The following MDGA2 variants were observed in gnomAD, a reference collection of about 807,000 sequenced individuals.
MDGA2 encodes the protein MAM domain-containing glycosylphosphatidylinositol anchor protein 2.
A neutral mutation model predicts 117.8 loss-of-function variants in MDGA2; 40 were observed. That is an observed-to-expected ratio of 0.34 (90% CI 0.26 to 0.44). The LOEUF (loss-of-function observed/expected upper bound fraction) is 0.44. Ranked by LOEUF, MDGA2 falls within the 20% of genes least tolerant of loss-of-function variation. MDGA2 has a pLI of 1.00. For synonymous variants in MDGA2, 452 were observed against 439.0 expected (o/e 1.03, Z -0.37); for missense variants, 1,123 against 1,250.6 (o/e 0.90, Z 1.54).
chr14:47,554,862 C>T (rs1895654308), intron 1 of MDGA2, among the ~76,000 whole-genome samples: 1 of 152,184 alleles, frequency 6.6e-6, no homozygotes, highest in African/African-American at 2.4e-5. Context: ...TTATTCACCA[C>T]TAGCTGTTAT....
chr14:46,934,378 A>G (rs74044930), intron 9 of MDGA2, among the ~76,000 whole-genome samples: 1,532 of 152,242 alleles, frequency 0.01, 24 homozygotes, highest in African/African-American at 0.035. Flanking sequence ...TTATATAGGA[A>G]TTTACAGCTC....
intron 3 of MDGA2, among the ~76,000 whole-genome samples, chr14:47,178,512 T>G (rs182461402): frequency 6.6e-5 from 10 of 152,214 alleles, no homozygotes; most frequent in African/African-American, 2.4e-4. Context: ...TCTTTAAGAG[T>G]TTTACAAAAT....
At chr14:47,000,400 A>AATATATATATTTATATAT (rs71112475) in intron 8 of MDGA2, among the ~76,000 whole-genome samples, 2 of 115,604 alleles carry the variant, frequency 1.7e-5, no homozygotes, top group Non-Finnish European at 3.5e-5. Flanking sequence ...TTTATATATA[A>AATATATATATTTATATAT]ATATATATTT....
At chr14:46,852,284 A>G (rs901846832) in intron 15 of MDGA2, among the ~76,000 whole-genome samples, 1 of 151,628 alleles carries the variant, frequency 6.6e-6, no homozygotes, top group Non-Finnish European at 1.5e-5. Flanking sequence ...TGTTCAGGAT[A>G]CTAGATATCA....
intron 6 of MDGA2, among the ~76,000 whole-genome samples, chr14:47,084,056 A>C (rs1459738197): frequency 1.3e-5 from 2 of 152,164 alleles, no homozygotes; most frequent in Non-Finnish European, 2.9e-5. Context: ...TATAGAACTC[A>C]ACTAATAGTA....
chr14:47,174,410 C>T (rs1009712270), intron 3 of MDGA2, among the ~76,000 whole-genome samples: 5 of 151,992 alleles, frequency 3.3e-5, no homozygotes, highest in Admixed American at 6.6e-5. Flanking sequence ...AAAGATCTCC[C>T]CAGCAAATCT....
chr14:47,048,729 G>A (rs1055688411), intron 7 of MDGA2, among the ~76,000 whole-genome samples: 2 of 152,058 alleles, frequency 1.3e-5, no homozygotes, highest in South Asian at 2.1e-4. Flanking sequence ...AACAGATCAG[G>A]GTCACATGTT....
At chr14:47,067,145 G>C (rs527867325) in intron 6 of MDGA2, among the ~76,000 whole-genome samples, 18 of 152,216 alleles carry the variant, frequency 1.2e-4, no homozygotes, top group African/African-American at 4.3e-4. Flanking sequence ...CAACCAAAGT[G>C]TAACAAATAA....
chr14:47,134,036 G>A (rs1471050128), intron 4 of MDGA2, among the ~76,000 whole-genome samples: 1 of 151,940 alleles, frequency 6.6e-6, no homozygotes, highest in Non-Finnish European at 1.5e-5. Context: ...ATACAACTGT[G>A]CTTTGATATA....
At chr14:46,865,006 T>C (rs1176093552) in intron 14 of MDGA2, among the ~76,000 whole-genome samples, 1 of 151,964 alleles carries the variant, frequency 6.6e-6, no homozygotes, top group Non-Finnish European at 1.5e-5. Context: ...TCATATGGCG[T>C]TTAACTCCAA....
At chr14:47,390,263 C>T (rs1421134533) in intron 1 of MDGA2, among the ~76,000 whole-genome samples, 2 of 152,096 alleles carry the variant, frequency 1.3e-5, no homozygotes, top group African/African-American at 4.8e-5. Flanking sequence ...ATATGTAACT[C>T]TTTTTAAAAG....
rs577589880 is a variant in MDGA2 at position 46,866,527 on chromosome 14, C to T, written c.2752+6906G>A. ...CACTGAAAGCAATGGCAACCAAAGC[C>T]AAAATTGACAAATGGGATCTAATTA... On this transcript the variant is annotated intron_variant, in intron 14 of 16. Coordinates refer to ENST00000399232, the MANE Select transcript of MDGA2 (RefSeq NM_001113498.3). 2.0e-5 allele frequency among the ~76,000 whole-genome samples: 3 copies of T among 152,106 alleles called. No individual in the cohort carries two copies. In the East Asian group the frequency reaches 5.8e-4, roughly 29 times the overall value.
intron 7 of MDGA2, 86 bp from the exon 8 acceptor site, chr14:47,035,390 T>C (rs1208035733): frequency 9.2e-7 from 1 of 1,081,790 alleles, no homozygotes; most frequent in African/African-American, 1.6e-5. Flanking sequence ...GGAAACAATT[T>C]CTGCTGGCTG....
chr14:47,076,150 A>G (rs1342311545), intron 6 of MDGA2, among the ~76,000 whole-genome samples: 1 of 152,138 alleles, frequency 6.6e-6, no homozygotes, highest in Non-Finnish European at 1.5e-5. Context: ...TAAATACTAT[A>G]TGCTTTTTGT....
At chr14:47,540,540 G>GTGTGTGTGTGTGTA in intron 1 of MDGA2, among the ~76,000 whole-genome samples, 4 of 79,218 alleles carry the variant, frequency 5.0e-5, no homozygotes, top group East Asian at 9.8e-4. Flanking sequence ...GTGTGTGTGT[G>GTGTGTGTGTGTGTA]TATATATATA....
At chr14:47,276,512 C>T (rs986448978) in intron 2 of MDGA2, among the ~76,000 whole-genome samples, 2 of 151,926 alleles carry the variant, frequency 1.3e-5, no homozygotes, top group Non-Finnish European at 2.9e-5. Flanking sequence ...GAGTAAACCA[C>T]CTTTATAAAA....
intron 15 of MDGA2, among the ~76,000 whole-genome samples, chr14:46,848,240 A>G (rs887222189): frequency 2.0e-5 from 3 of 152,086 alleles, no homozygotes; most frequent in Non-Finnish European, 4.4e-5. Flanking sequence ...CACTGAAGCC[A>G]AAACAAAATT....
chr14:47,022,531 G>A (rs771740811), intron 8 of MDGA2, among the ~76,000 whole-genome samples: 2 of 151,996 alleles, frequency 1.3e-5, no homozygotes, highest in African/African-American at 2.4e-5. Context: ...GAGAGACAGA[G>A]AAAAAAAGAA....
intron 1 of MDGA2, among the ~76,000 whole-genome samples, chr14:47,410,164 ATAAGT>A (rs10561760): frequency 0.18 from 27,757 of 152,104 alleles, 2,691 homozygotes; most frequent in Admixed American, 0.26. Flanking sequence ...AGACATGCCT[ATAAGT>A]TAATCTTTGG....
Sources: allele counts gnomAD v4.1 joint callset (sites outside exome capture counted in the v4.1 genomes callset), GRCh38; gene constraint gnomAD v4.1.1; transcripts MANE v1.5; gene names NCBI Gene and HGNC (gene_info 2026-07-23, HGNC 2026-07-21).